Variants in PLXDC2 observed in about 807,000 individuals in gnomAD.
PLXDC2 encodes plexin domain containing 2, also known as plexin domain-containing protein 2.
In PLXDC2, 40 loss-of-function variants were observed where a neutral mutation model predicts 68.9. The ratio of observed to expected loss-of-function variants is 0.58; its 90% CI spans 0.45 to 0.76. PLXDC2 has a LOEUF of 0.76. PLXDC2 is among the 30% of genes least tolerant of loss of function. The pLI is 0.00. For synonymous variants in PLXDC2, 243 were observed against 234.2 expected, an observed-to-expected ratio of 1.04 and a Z score of -0.34; for missense variants, 644 against 661.9, an observed-to-expected ratio of 0.97 and a Z score of 0.30.
chr10:19,868,504 CA>C (rs1176769524), intron 1 of PLXDC2, among the ~76,000 whole-genome samples: 2 of 152,228 alleles, frequency 1.3e-5, no homozygotes, highest in East Asian at 1.9e-4. Flanking sequence ...TGCACCTGAT[CA>C]AAATGTAATG....
intron 1 of PLXDC2, among the ~76,000 whole-genome samples, chr10:19,883,087 G>C (rs1197074663): frequency 3.3e-5 from 5 of 151,674 alleles, no homozygotes; most frequent in Non-Finnish European, 5.9e-5. Context: ...CTCCCGAGTA[G>C]CTGGGACTAC....
chr10:20,089,169 CGTGTGTGTGTGTGTGT>C (rs34167804), intron 4 of PLXDC2, among the ~76,000 whole-genome samples: 6,610 of 142,676 alleles, frequency 0.046, 163 homozygotes, highest in Middle Eastern at 0.075. Flanking sequence ...CCTGTATATA[CGTGTGTGTGTGTGTGT>C]GTGTGTGTGT....
At position 19,817,031 on chromosome 10, in the gene PLXDC2, A is replaced by T; in HGVS notation, c.-49A>T. The T allele has an allele frequency of 7.0e-7, 1 of 1,426,414 alleles. No homozygotes were observed. Among genetic ancestry groups the T allele is most frequent in the Non-Finnish European group, 9.6e-7 (1 of 1,042,064 alleles). The allele number at this position is 1,426,414 out of a possible 1,614,324, so 88.4% of individuals were successfully genotyped here. On this transcript the variant is annotated 5_prime_UTR_variant, in exon 1 of 14. Coordinates refer to ENST00000377252, the MANE Select transcript of PLXDC2 (RefSeq NM_032812.9). The stretch of plus-strand genomic sequence containing the variant: ...GTGCCTATTGCATCGGGAGCCCCCG[A>T]GCACCGGCGAAGGACTGGCGGGTGG...
rs187390384 is a variant in PLXDC2, at chr10:20,127,239, A to G, written c.542-16056A>G. On this transcript the variant is annotated intron_variant, in intron 4 of 13. Coordinates refer to ENST00000377252, the MANE Select transcript of PLXDC2 (RefSeq NM_032812.9). Reference sequence around the variant, plus strand: ...TTTATCTTGCCATGAAAAGGGAAAGACAGTGAAGAGATTGTCAGCACATTC... The same window carrying G: ...TTTATCTTGCCATGAAAAGGGAAAGGCAGTGAAGAGATTGTCAGCACATTC... 1.1e-3 allele frequency among the ~76,000 whole-genome samples: 169 copies of G among 152,264 alleles called. 1 individual carries two copies. Among genetic ancestry groups the G allele is most frequent in the Non-Finnish European group, 2.0e-3 (136 of 68,008 alleles).
At chr10:19,880,542 C>T (rs1837709103) in intron 1 of PLXDC2, among the ~76,000 whole-genome samples, 1 of 152,182 alleles carries the variant, frequency 6.6e-6, no homozygotes. Context: ...TATTTTCAGA[C>T]AGGAGTTTGA....
chr10:19,881,115 AT>A (rs916027255), intron 1 of PLXDC2, among the ~76,000 whole-genome samples: 3 of 150,760 alleles, frequency 2.0e-5, no homozygotes, highest in African/African-American at 4.9e-5. Flanking sequence ...GTAAGATGCG[AT>A]TTTTTTTTCT....
chr10:19,949,431 G>A (rs772977034), intron 1 of PLXDC2, among the ~76,000 whole-genome samples: 32 of 152,214 alleles, frequency 2.1e-4, no homozygotes, highest in South Asian at 1.2e-3. Flanking sequence ...TATCTTCTGA[G>A]AATACATGAG....
chr10:19,998,810 GGA>G (rs1834882076), intron 1 of PLXDC2, among the ~76,000 whole-genome samples: 1 of 78,108 alleles, frequency 1.3e-5, no homozygotes, highest in Non-Finnish European at 2.2e-5. Flanking sequence ...AAACAGTGGG[GGA>G]AAAAAAAAAT....
intron 1 of PLXDC2, among the ~76,000 whole-genome samples, 156 bp downstream of exon 1, chr10:19,817,347 G>A (rs1006397265): frequency 3.3e-5 from 5 of 152,208 alleles, no homozygotes; most frequent in Non-Finnish European, 5.9e-5. Context: ...TCCCAAATGG[G>A]GAAAGAGGGT....
chr10:19,986,570 C>A (rs2293240), intron 1 of PLXDC2, among the ~76,000 whole-genome samples: 110 of 87,058 alleles, frequency 1.3e-3, no homozygotes, highest in African/African-American at 3.4e-3. Flanking sequence ...AAAAGACATA[C>A]AAAAAGAAAT....
At chr10:19,978,534 A>G (rs1589566897) in intron 1 of PLXDC2, among the ~76,000 whole-genome samples, 1 of 152,300 alleles carries the variant, frequency 6.6e-6, no homozygotes, top group African/African-American at 2.4e-5. Context: ...GTAGAGAAGA[A>G]AGTTTTCATG....
Position 20,017,237 on chromosome 10 carries a change from C to T in PLXDC2, c.324+15251C>T, listed in dbSNP as rs961513001. Among the ~76,000 whole-genome samples the T allele has an allele frequency of 1.3e-4, 20 of 152,248 alleles. 1 individual carries two copies. The highest frequency in any genetic ancestry group is 4.8e-4 in the African/African-American group (20 of 41,558). The stretch of plus-strand genomic sequence containing the variant: ...TTGGGCTTTGTCAGTAGGGAGCAGG[C>T]ATCACAGTGCTTCTAGGGGGGCAGG... On this transcript the variant is annotated intron_variant, in intron 2 of 13. Coordinates refer to ENST00000377252, the MANE Select transcript of PLXDC2 (RefSeq NM_032812.9).
At chr10:20,156,486 C>T (rs1186743513) in intron 6 of PLXDC2, among the ~76,000 whole-genome samples, 1 of 152,178 alleles carries the variant, frequency 6.6e-6, no homozygotes, top group African/African-American at 2.4e-5. Context: ...AAAATTCACT[C>T]AAAGTGTGCA....
chr10:19,962,922 A>G (rs939046437), intron 1 of PLXDC2, among the ~76,000 whole-genome samples: 10 of 148,600 alleles, frequency 6.7e-5, no homozygotes, highest in Non-Finnish European at 1.5e-4. Flanking sequence ...CCTGGGAGGC[A>G]GAGCTTGCAG....
intron 1 of PLXDC2, among the ~76,000 whole-genome samples, chr10:19,888,064 G>A (rs1031727559): frequency 6.6e-6 from 1 of 152,162 alleles, no homozygotes; most frequent in Non-Finnish European, 1.5e-5. Flanking sequence ...AGATGCTTTG[G>A]TGTTCAGCTG....
chr10:20,014,044 C>A (rs1462126356), intron 2 of PLXDC2, among the ~76,000 whole-genome samples: 2 of 152,184 alleles, frequency 1.3e-5, no homozygotes, highest in Non-Finnish European at 2.9e-5. Context: ...GTAAAATTAT[C>A]TCCTAAAGGC....
At chr10:20,128,339 T>A (rs893587773) in intron 4 of PLXDC2, among the ~76,000 whole-genome samples, 4 of 152,204 alleles carry the variant, frequency 2.6e-5, no homozygotes, top group Non-Finnish European at 5.9e-5. Flanking sequence ...TTTTATTTTC[T>A]TGAGGTATTG....
At position 19,822,062 on chromosome 10, in the gene PLXDC2, C is replaced by T. The variant is rs571978527; in HGVS notation, c.112+4871C>T. On this transcript the variant is annotated intron_variant, in intron 1 of 13. Transcript: ENST00000377252. ...GAATTATTTTACTTAGCACAATGTC[C>T]CCCAGATTCATCCATGCTATCACAA... Among the ~76,000 whole-genome samples, 4 of 151,788 alleles carry T rather than the reference C, an allele frequency of 2.6e-5. No homozygotes were observed. In the South Asian group the frequency reaches 8.3e-4, roughly 32 times the overall value.
At chr10:20,248,325 G>GTA (rs1835627833) in intron 13 of PLXDC2, among the ~76,000 whole-genome samples, 1 of 152,114 alleles carries the variant, frequency 6.6e-6, no homozygotes, top group Non-Finnish European at 1.5e-5. Flanking sequence ...GTTTACATGT[G>GTA]TATACGTACA....
Sources: allele counts gnomAD v4.1 joint callset (sites outside exome capture counted in the v4.1 genomes callset), GRCh38; gene constraint gnomAD v4.1.1; transcripts MANE v1.5; gene names NCBI Gene and HGNC (gene_info 2026-07-23, HGNC 2026-07-21).